The following SUCLG2 variants were observed in gnomAD, a reference collection of about 807,000 sequenced individuals.
SUCLG2 encodes succinate-CoA ligase GDP-forming subunit beta.
Under a neutral mutation model 47.9 loss-of-function variants are expected in SUCLG2, and 42 were observed. The observed-to-expected ratio is 0.88, with a 90% CI of 0.69 to 1.14. The LOEUF is 1.14. Among genes scored for constraint, SUCLG2 ranks in the 50% most tolerant of loss-of-function variants. The pLI is 0.00. For missense variants in SUCLG2, 571 were observed against 525.9 expected (o/e 1.09, Z -0.84); for synonymous variants, 195 against 197.3 (o/e 0.99, Z 0.10).
intron 9 of SUCLG2, among the ~76,000 whole-genome samples, chr3:67,473,776 T>C (rs550566125): frequency 6.6e-6 from 1 of 152,360 alleles, no homozygotes; most frequent in African/African-American, 2.4e-5. Flanking sequence ...GATAAAGGTA[T>C]AAACTGTGTT....
chr3:67,544,761 G>A (rs999777789), intron 2 of SUCLG2, among the ~76,000 whole-genome samples: 1 of 152,096 alleles, frequency 6.6e-6, no homozygotes, highest in Non-Finnish European at 1.5e-5. Context: ...TGGCTTTCAT[G>A]GTTTGCTGTT....
At chr3:67,601,500 G>GTT (rs1559590974) in intron 2 of SUCLG2, among the ~76,000 whole-genome samples, 1 of 152,096 alleles carries the variant, frequency 6.6e-6, no homozygotes. Context: ...CCTAGGTAAA[G>GTT]TTTTTCTGTT....
chr3:67,391,641 C>T (rs923437705), intron 10 of SUCLG2, among the ~76,000 whole-genome samples: 1 of 152,138 alleles, frequency 6.6e-6, no homozygotes, highest in Non-Finnish European at 1.5e-5. Flanking sequence ...GCTTTGAAAA[C>T]ATTTTCATTC....
chr3:67,520,435 T>C, intron 5 of SUCLG2, 47 bp downstream of exon 5: 1 of 1,613,012 alleles, frequency 6.2e-7, no homozygotes. Context: ...TAACAGCTTC[T>C]ACAATAACAA....
chr3:67,382,171 C>T (rs1171159845), intron 10 of SUCLG2, among the ~76,000 whole-genome samples: 3 of 152,194 alleles, frequency 2.0e-5, no homozygotes, highest in Non-Finnish European at 4.4e-5. Flanking sequence ...TTGTTGGATA[C>T]ATGAGTTAAG....
intron 9 of SUCLG2, among the ~76,000 whole-genome samples, chr3:67,476,834 A>G (rs1464970669): frequency 6.6e-6 from 1 of 152,196 alleles, no homozygotes; most frequent in East Asian, 1.9e-4. Context: ...GCAGTGGAAG[A>G]TAACAGGAAA....
chr3:67,598,378 T>C (rs1399197795), intron 2 of SUCLG2, among the ~76,000 whole-genome samples: 1 of 152,194 alleles, frequency 6.6e-6, no homozygotes, highest in African/African-American at 2.4e-5. Context: ...CCAAAAACTT[T>C]ATTCTTTAAA....
chr3:67,492,273 C>T (rs1287063508), intron 9 of SUCLG2, among the ~76,000 whole-genome samples: 35 of 152,174 alleles, frequency 2.3e-4, no homozygotes. Context: ...GTGTCCTTTC[C>T]TTGTATTCAC....
chr3:67,592,900 G>C (rs1355476101), intron 2 of SUCLG2, among the ~76,000 whole-genome samples: 1 of 152,104 alleles, frequency 6.6e-6, no homozygotes, highest in Non-Finnish European at 1.5e-5. Context: ...GTTAGGCCTT[G>C]ACAAATCAAA....
chr3:67,570,613 G>C (rs951256394), intron 2 of SUCLG2, among the ~76,000 whole-genome samples: 1 of 152,192 alleles, frequency 6.6e-6, no homozygotes, highest in African/African-American at 2.4e-5. Context: ...TGGGCAATCA[G>C]GCAATTGATC....
chr3:67,625,867 T>C (rs2107342968), intron 1 of SUCLG2, among the ~76,000 whole-genome samples: 1 of 151,656 alleles, frequency 6.6e-6, no homozygotes, highest in South Asian at 2.1e-4. Flanking sequence ...AGCTGCTATA[T>C]TCATAGCAGC....
chr3:67,637,249 A>C (rs1253501058), intron 1 of SUCLG2, among the ~76,000 whole-genome samples: 1 of 152,228 alleles, frequency 6.6e-6, no homozygotes, highest in Non-Finnish European at 1.5e-5. Flanking sequence ...AAAATAAAAA[A>C]GTGCCTTGAA....
At chr3:67,418,492 AGC>A in intron 9 of SUCLG2, among the ~76,000 whole-genome samples, 1 of 152,308 alleles carries the variant, frequency 6.6e-6, no homozygotes, top group South Asian at 2.1e-4. Flanking sequence ...CATTACACTA[AGC>A]TGTTCTGGTG....
In SUCLG2 at chr3:67,609,611, G is replaced by T; in HGVS notation, c.85-15C>A. On this transcript the variant is annotated splice_polypyrimidine_tract_variant and intron_variant, in intron 1 of 10. Coordinates refer to ENST00000307227, the MANE Select transcript of SUCLG2 (RefSeq NM_003848.4). ...AATTGAACTGCCTACAGAAATTGAA[G>T]GAGAGAGGTAAGAACATTCATTAAT... 1 of 1,611,360 alleles carries T rather than the reference G, an allele frequency of 6.2e-7. No individual in the cohort carries two copies. Among genetic ancestry groups the T allele is most frequent in the Non-Finnish European group, 8.5e-7 (1 of 1,179,056 alleles).
At chr3:67,653,598 A>G (rs1246774470) in intron 1 of SUCLG2, among the ~76,000 whole-genome samples, 1 of 152,234 alleles carries the variant, frequency 6.6e-6, no homozygotes, top group African/African-American at 2.4e-5. Context: ...CATCAATTAA[A>G]AATGGGGAAA....
intron 10 of SUCLG2, among the ~76,000 whole-genome samples, chr3:67,393,467 G>A (rs12107368): frequency 0.24 from 36,065 of 152,088 alleles, 4,775 homozygotes; most frequent in African/African-American, 0.35. Flanking sequence ...CGAGGCTGGG[G>A]GAGGGGTGCC....
chr3:67,472,037 G>A (rs1340694757), intron 9 of SUCLG2, among the ~76,000 whole-genome samples: 1 of 152,072 alleles, frequency 6.6e-6, no homozygotes, highest in Non-Finnish European at 1.5e-5. Context: ...AAAATAATTT[G>A]ATGTTACATT....
At chr3:67,594,233 G>C (rs2107283833) in intron 2 of SUCLG2, among the ~76,000 whole-genome samples, 1 of 152,306 alleles carries the variant, frequency 6.6e-6, no homozygotes, top group East Asian at 1.9e-4. Context: ...AACTGACATG[G>C]ATTTCATCCA....
At chr3:67,559,133 TTTTTA>T (rs1371947453) in intron 2 of SUCLG2, among the ~76,000 whole-genome samples, 2 of 152,188 alleles carry the variant, frequency 1.3e-5, no homozygotes, top group Admixed American at 6.5e-5. Flanking sequence ...ATCTCATTAT[TTTTTA>T]TTTTATGACA....
Sources: gnomAD v4.1 joint callset for allele counts (sites outside exome capture counted in the v4.1 genomes callset) on GRCh38, gnomAD v4.1.1 for gene constraint, MANE v1.5 for transcripts, NCBI Gene and HGNC (gene_info 2026-07-23, HGNC 2026-07-21) for gene names.